Variants in DCC observed in about 807,000 individuals in gnomAD.
DCC encodes the protein DCC netrin 1 receptor, also known as netrin receptor DCC.
Under a neutral mutation model 172.5 loss-of-function variants are expected in DCC, and 58 were observed. The ratio of observed to expected loss-of-function variants is 0.34; its 90% confidence interval spans 0.27 to 0.42. The LOEUF (loss-of-function observed/expected upper bound fraction) is 0.42, where lower values mean the gene tolerates loss of function less well. DCC is among the 10% of genes least tolerant of loss of function. The pLI is 1.00. For synonymous variants in DCC, 709 were observed against 644.5 expected, an observed-to-expected ratio of 1.10 and a Z score of -1.52; for missense variants, 1,740 against 1,791.0, an observed-to-expected ratio of 0.97 and a Z score of 0.51.
intron 2 of DCC, among the ~76,000 whole-genome samples, chr18:52,784,740 A>G (rs945455812): frequency 1.3e-5 from 2 of 151,912 alleles, no homozygotes; most frequent in African/African-American, 4.8e-5. Flanking sequence ...CAGATCGTTT[A>G]CCCACTTTTT....
Position 52,783,323 on chromosome 18 carries a change from C to CTTTTTTTTTTTTTTTTTTTTTTT in DCC, c.412+30965_412+30987dup, listed in dbSNP as rs374129823. Among the ~76,000 whole-genome samples the CTTTTTTTTTTTTTTTTTTTTTTT allele has an allele frequency of 1.2e-4, 7 of 59,256 alleles. 2 individuals carry two copies. The highest frequency in any genetic ancestry group is 2.4e-4 in the African/African-American group (3 of 12,488). 38.9% of individuals were successfully genotyped at this position (59,256 alleles called of 152,430 possible). A position where few individuals can be genotyped will look rare whatever the true frequency, so the allele number is the denominator to read the frequency against. Reference sequence around the variant, plus strand: ...ACTAAAAATAATTTATACTACTACTCTTTTTTTTTTTTTTTTTTTTTTTTT... The same window carrying CTTTTTTTTTTTTTTTTTTTTTTT: ...ACTAAAAATAATTTATACTACTACTCTTTTTTTTTTTTTTTTTTTTTTTTTTTTTTTTTTTTTTTTTTTTTTTT... On this transcript the variant is annotated intron_variant, in intron 2 of 28. Transcript: ENST00000442544.
intron 27 of DCC, among the ~76,000 whole-genome samples, chr18:53,507,537 A>G (rs1317348429): frequency 6.6e-6 from 1 of 152,180 alleles, no homozygotes; most frequent in Non-Finnish European, 1.5e-5. Context: ...TTAGGCTTGC[A>G]GGAGGACTGA....
chr18:53,121,671 A>G (rs1024352609), intron 7 of DCC, among the ~76,000 whole-genome samples: 19 of 151,928 alleles, frequency 1.3e-4, no homozygotes, highest in Non-Finnish European at 7.4e-5. Flanking sequence ...TTTTTCAAAT[A>G]CAATGTAATA....
chr18:52,610,129 C>A (rs4940192), intron 1 of DCC, among the ~76,000 whole-genome samples: 1 of 100,674 alleles, frequency 9.9e-6, no homozygotes, highest in South Asian at 3.6e-4. Context: ...ACCTGGCCAA[C>A]ATGGCAAAAC....
At chr18:53,214,831 A>C (rs1273809976) in intron 11 of DCC, among the ~76,000 whole-genome samples, 1 of 152,174 alleles carries the variant, frequency 6.6e-6, no homozygotes, top group Non-Finnish European at 1.5e-5. Context: ...TTGGTAGAGT[A>C]AATATTTATT....
intron 7 of DCC, among the ~76,000 whole-genome samples, chr18:53,113,875 G>A (rs907657847): frequency 2.6e-5 from 4 of 151,172 alleles, no homozygotes; most frequent in African/African-American, 9.7e-5. Flanking sequence ...ATTTTATTAT[G>A]TAATCTTAAC....
chr18:53,342,347 T>A (rs1041891316), intron 15 of DCC, among the ~76,000 whole-genome samples: 20 of 151,974 alleles, frequency 1.3e-4, no homozygotes, highest in Non-Finnish European at 2.8e-4. Context: ...TATTGACATT[T>A]TACTCCTTTT....
At chr18:53,457,398 C>A (rs887372476) in intron 23 of DCC, among the ~76,000 whole-genome samples, 2 of 152,202 alleles carry the variant, frequency 1.3e-5, no homozygotes, top group African/African-American at 2.4e-5. Flanking sequence ...TTTATCTTGA[C>A]TACTTTCTTT....
At chr18:52,973,459 T>G (rs1441059141) in intron 5 of DCC, among the ~76,000 whole-genome samples, 2 of 152,190 alleles carry the variant, frequency 1.3e-5, no homozygotes, top group Non-Finnish European at 2.9e-5. Context: ...ACTGGCCAAG[T>G]AGGTTTTTGC....
At chr18:52,547,649 G>A (rs2144716571) in intron 1 of DCC, among the ~76,000 whole-genome samples, 1 of 152,106 alleles carries the variant, frequency 6.6e-6, no homozygotes, top group East Asian at 1.9e-4. Context: ...GGCTTTATAG[G>A]GAAAATGAAA....
intron 5 of DCC, among the ~76,000 whole-genome samples, chr18:52,964,144 A>C (rs1379717104): frequency 6.6e-6 from 1 of 152,128 alleles, no homozygotes; most frequent in Non-Finnish European, 1.5e-5. Context: ...ATCAATAGTA[A>C]ATTTCACTCT....
chr18:52,478,644 C>T (rs574247014), intron 1 of DCC, among the ~76,000 whole-genome samples: 34 of 152,290 alleles, frequency 2.2e-4, no homozygotes, highest in African/African-American at 7.5e-4. Context: ...CCTCAGGAAA[C>T]TTACAATCCT....
At chr18:53,068,806 T>TGTGTGTGTGTGTGTGG (rs2042611839) in intron 7 of DCC, among the ~76,000 whole-genome samples, 1 of 151,168 alleles carries the variant, frequency 6.6e-6, no homozygotes, top group Non-Finnish European at 1.5e-5. Context: ...TGTATGTGTA[T>TGTGTGTGTGTGTGTGG]GTGTGTGTGT....
At chr18:53,186,622 G>A (rs2055286156) in intron 9 of DCC, among the ~76,000 whole-genome samples, 1 of 152,206 alleles carries the variant, frequency 6.6e-6, no homozygotes, top group Non-Finnish European at 1.5e-5. Flanking sequence ...TTTCTATGCA[G>A]TTCATAAGTA....
At chr18:52,503,987 A>G (rs2144632948) in intron 1 of DCC, among the ~76,000 whole-genome samples, 1 of 152,268 alleles carries the variant, frequency 6.6e-6, no homozygotes, top group Middle Eastern at 3.4e-3. Context: ...GAAGCAGAAT[A>G]AAAACACCCT....
chr18:53,105,233 T>C (rs1354439967), intron 7 of DCC, among the ~76,000 whole-genome samples: 2 of 152,016 alleles, frequency 1.3e-5, no homozygotes, highest in Non-Finnish European at 2.9e-5. Flanking sequence ...TAGCAGGCAG[T>C]TTAGATTTCC....
At chr18:52,687,495 GGCC>G (rs1385578761) in intron 1 of DCC, among the ~76,000 whole-genome samples, 2 of 151,952 alleles carry the variant, frequency 1.3e-5, no homozygotes, top group Non-Finnish European at 2.9e-5. Context: ...ATGTTGGCCA[GGCC>G]GGTCTCAATC....
chr18:52,802,547 C>T (rs982662976), intron 2 of DCC, among the ~76,000 whole-genome samples: 5 of 148,448 alleles, frequency 3.4e-5, no homozygotes, highest in South Asian at 4.3e-4. Context: ...TGAACAGGGC[C>T]GACTGACTGC....
At chr18:52,913,672 A>T (rs1385085835) in intron 3 of DCC, among the ~76,000 whole-genome samples, 1 of 152,058 alleles carries the variant, frequency 6.6e-6, no homozygotes, top group Non-Finnish European at 1.5e-5. Context: ...AAAGGAGAGA[A>T]CCTGTTTTTT....
Sources: gnomAD v4.1 joint callset for allele counts (sites outside exome capture counted in the v4.1 genomes callset) on GRCh38, gnomAD v4.1.1 for gene constraint, MANE v1.5 for transcripts, NCBI Gene and HGNC (gene_info 2026-07-23, HGNC 2026-07-21) for gene names.